Variants in AATK observed in about 807,000 individuals in gnomAD.
AATK encodes the protein lemur tail kinase 1.
A neutral mutation model predicts 114.3 loss-of-function variants in AATK; 91 were observed. The observed-to-expected ratio is 0.80, with a 90% CI of 0.67 to 0.95. The LOEUF is 0.95. Among genes scored for constraint, AATK ranks in the 40% least tolerant of loss-of-function variants. The pLI is 0.00. For synonymous variants in AATK, 1,075 were observed against 916.5 expected (o/e 1.17, Z -3.12); for missense variants, 2,176 against 1,965.2 (o/e 1.11, Z -2.03).
rs1321488113 is a variant in AATK, at chr17:81,126,073, A to G, written c.755+354T>C. ...CCAAGCAGGACAGAACCCTCCCTCC[A>G]GGGTCCTTCGAAGCAGGGTCTGTCT... is the stretch of plus-strand genomic sequence containing the variant. On this transcript the variant is annotated intron_variant, in intron 7 of 13. Transcript: ENST00000326724. The surrounding 1 kb of genome is among the most constrained non-coding windows in gnomAD (Gnocchi z 5.1). 2.1e-6 allele frequency: 1 copy of G among 473,342 alleles called. No homozygotes were observed. Among genetic ancestry groups the G allele is most frequent in the African/African-American group, 2.0e-5 (1 of 49,718 alleles). 29.3% of individuals were successfully genotyped at this position (473,342 alleles called of 1,614,324 possible).
chr17:81,132,512 G>T (rs2060949016), intron 2 of AATK: 1 of 171,444 alleles, frequency 5.8e-6, no homozygotes, highest in Non-Finnish European at 1.3e-5. Context: ...CCCCTCCCCG[G>T]GACCCAGAAG....
intron 2 of AATK, chr17:81,132,674 C>T: frequency 3.1e-6 from 1 of 320,372 alleles, no homozygotes. Flanking sequence ...CGGGGGCCAG[C>T]CGGGTCCTGC....
intron 1 of AATK, among the ~76,000 whole-genome samples, chr17:81,149,889 T>C (rs1216518606): frequency 2.6e-5 from 4 of 152,158 alleles, no homozygotes; most frequent in Non-Finnish European, 5.9e-5. Context: ...GGCATGTCCC[T>C]CTGGTCCGAC....
Position 81,127,646 on chromosome 17 carries a change from G to C in AATK, c.558C>G (p.Leu186=). Residue 186 remains leucine, a synonymous_variant, in exon 6 of 14, where the codon CTC becomes CTG. Transcript: ENST00000326724. The part of the protein sequence containing the change: ...PYRALKHSNL[L]QCLAQCAEVT... ...CCTCGGCGCACTGGGCCAGGCACTG[G>C]AGCAGGTTGCTGTGCTTCAGGGCCC... 1 of 1,595,720 alleles carries C rather than the reference G, an allele frequency of 6.3e-7. No homozygotes were observed. The highest frequency in any genetic ancestry group is 8.5e-7 in the Non-Finnish European group (1 of 1,171,670).
chr17:81,155,673 C>T (rs1056431869), intron 1 of AATK, among the ~76,000 whole-genome samples: 5 of 151,434 alleles, frequency 3.3e-5, no homozygotes, highest in South Asian at 4.2e-4. Context: ...CATGAGCCAG[C>T]GCGCCCGACC....
rs758625667 is a variant in AATK at position 81,127,674 on chromosome 17, C to T, written c.534-4G>A. ...CAGGTTGCTGTGCTTCAGGGCCCTG[C>T]GGGAGTGGACAGGCGGCCCCTGACT... On this transcript the variant is annotated splice_polypyrimidine_tract_variant and splice_region_variant and intron_variant, in intron 5 of 13. Transcript: ENST00000326724. 52 of 1,554,358 alleles carry T rather than the reference C, an allele frequency of 3.3e-5. No individual in the cohort carries two copies. Among genetic ancestry groups the T allele is most frequent in the African/African-American group, 5.5e-5 (4 of 72,318 alleles).
At chr17:81,138,657 A>T (rs1378270450) in intron 1 of AATK, among the ~76,000 whole-genome samples, 1 of 150,456 alleles carries the variant, frequency 6.6e-6, no homozygotes, top group African/African-American at 2.4e-5. Flanking sequence ...ACATACCCAC[A>T]CACATATCCA....
chr17:81,132,326 G>A (rs1335599504), intron 2 of AATK, among the ~76,000 whole-genome samples: 1 of 152,204 alleles, frequency 6.6e-6, no homozygotes, highest in East Asian at 1.9e-4. Flanking sequence ...TGCAGTGGGA[G>A]GGGAGGCCTG....
intron 5 of AATK, 36 bp downstream of exon 5, chr17:81,127,756 G>A (rs553260235): frequency 1.6e-5 from 24 of 1,497,818 alleles, no homozygotes; most frequent in Admixed American, 5.9e-5. Flanking sequence ...GGAGGGGGCC[G>A]CACAGCACAG....
intron 1 of AATK, among the ~76,000 whole-genome samples, chr17:81,143,235 A>G (rs989665622): frequency 1.3e-4 from 19 of 149,830 alleles, no homozygotes; most frequent in Admixed American, 1.3e-4. Flanking sequence ...TCCCAGGCGG[A>G]AGCCGCCTGC....
At position 81,166,213 on chromosome 17, in the gene AATK, G is replaced by C. The variant is rs1598242740; in HGVS notation, c.-221C>G. On this transcript the variant is annotated 5_prime_UTR_variant, in exon 1 of 14. Transcript: ENST00000326724. ...GCCCTGGCGCCGCGGGGCTCCGCTGGTGCAGTCCGAAAACGCGGGCGGGAG... is the reference window on the plus strand; with the variant it reads ...GCCCTGGCGCCGCGGGGCTCCGCTGCTGCAGTCCGAAAACGCGGGCGGGAG... 1 of 148,914 alleles carries C rather than the reference G, an allele frequency of 6.7e-6. No individual in the cohort carries two copies. The highest frequency in any genetic ancestry group is 1.4e-5 in the Non-Finnish European group (1 of 71,068). 9.2% of individuals were successfully genotyped at this position (148,914 alleles called of 1,614,324 possible). A position where few individuals can be genotyped will look rare whatever the true frequency, so the allele number is the denominator to read the frequency against.
At position 81,121,595 on chromosome 17, in the gene AATK, T is replaced by G. The variant is rs995371771; in HGVS notation, c.2341A>C (p.Lys781Gln). ...SGGDHPQAEPKLATEAEGTTG... is the reference protein window; with the variant it reads ...SGGDHPQAEPQLATEAEGTTG... ...GTGCCCTCAGCCTCCGTGGCAAGCTTGGGCTCTGCCTGCGGGTGGTCACCC... is the reference window on the plus strand; with the variant it reads ...GTGCCCTCAGCCTCCGTGGCAAGCTGGGGCTCTGCCTGCGGGTGGTCACCC... Residue 781 changes from lysine to glutamine, a missense_variant, in exon 11 of 14, where the codon AAG becomes CAG. Around this residue, in one of 4 missense-constraint regions of AATK, gnomAD observed 1,701 missense variants for 1,394.7 expected, o/e 1.22. Transcript: ENST00000326724. The G allele has an allele frequency of 6.6e-7, 1 of 1,503,924 alleles. No homozygotes were observed. Among genetic ancestry groups the G allele is most frequent in the Non-Finnish European group, 8.9e-7 (1 of 1,127,456 alleles). 93.2% of individuals were successfully genotyped at this position (1,503,924 alleles called of 1,614,324 possible). A position where few individuals can be genotyped will look rare whatever the true frequency, so the allele number is the denominator to read the frequency against.
intron 1 of AATK, 151 bp downstream of exon 1, chr17:81,165,787 G>T (rs2061481588): frequency 2.0e-6 from 3 of 1,504,046 alleles, no homozygotes; most frequent in Middle Eastern, 1.9e-4. Flanking sequence ...CCGAGATCTG[G>T]GGCCGCCAGG....
Position 81,121,745 on chromosome 17 carries a change from G to T in AATK, c.2191C>A (p.Leu731Ile). The change falls in exon 11 of 14, where the codon CTC (leucine) becomes ATC (isoleucine). Residue 731 changes from leucine to isoleucine, a missense_variant. By Grantham distance (5) the Leu-to-Ile change is conservative. Around this residue, in one of 4 missense-constraint regions of AATK, gnomAD observed 1,701 missense variants for 1,394.7 expected, o/e 1.22. Coordinates refer to ENST00000326724, the MANE Select transcript of AATK (RefSeq NM_001080395.3). Reference protein sequence around the residue: ...PGYPGEPLLGLQAASAQEPGC... With the variant: ...PGYPGEPLLGIQAASAQEPGC... ...GGCTCCTGGGCAGAGGCTGCCTGGA[G>T]CCCAAGCAGAGGCTCTCCAGGGTAC... 6.6e-7 allele frequency: 1 copy of T among 1,505,250 alleles called. No individual in the cohort carries two copies. The highest frequency in any genetic ancestry group is 2.4e-5 in the East Asian group (1 of 41,642). The allele number at this position is 1,505,250 out of a possible 1,614,324, so 93.2% of individuals were successfully genotyped here.
chr17:81,142,014 G>A (rs1439968179), intron 1 of AATK, among the ~76,000 whole-genome samples: 2 of 150,392 alleles, frequency 1.3e-5, no homozygotes, highest in Non-Finnish European at 2.9e-5. Flanking sequence ...AGAGTGCAGT[G>A]GCATGATCTC....
Position 81,118,249 on chromosome 17 carries a change from G to A in AATK, c.*153C>T. ...ACCATCCAGGGCCTCTCATCCCACG[G>A]GCTTCTCCAGGACACCGCGTGGGGC... On this transcript the variant is annotated 3_prime_UTR_variant, in exon 14 of 14. Coordinates refer to ENST00000326724, the MANE Select transcript of AATK (RefSeq NM_001080395.3). 1 of 710,096 alleles carries A rather than the reference G, an allele frequency of 1.4e-6. No individual in the cohort carries two copies. Among genetic ancestry groups the A allele is most frequent in the Non-Finnish European group, 2.4e-6 (1 of 424,668 alleles). The allele number at this position is 710,096 out of a possible 1,614,324, so 44.0% of individuals were successfully genotyped here. A position where few individuals can be genotyped will look rare whatever the true frequency, so the allele number is the denominator to read the frequency against.
rs8073182 is a variant in AATK at position 81,130,962 on chromosome 17, C to G, written c.334+99G>C. ...GCCACTCCCAGCCCTGTGCTGCCCCCACTCCAGAGCTGAGTCTTCCGGTCT... is the reference window on the plus strand; with the variant it reads ...GCCACTCCCAGCCCTGTGCTGCCCCGACTCCAGAGCTGAGTCTTCCGGTCT... On this transcript the variant is annotated intron_variant, in intron 3 of 13. Transcript: ENST00000326724. The G allele has an allele frequency of 6.4e-6, 9 of 1,408,998 alleles. No individual in the cohort carries two copies. The South Asian group carries it at 1.2e-4, about 19-fold the overall frequency. 87.3% of individuals were successfully genotyped at this position (1,408,998 alleles called of 1,614,324 possible).
Position 81,121,193 on chromosome 17 carries a change from C to T in AATK, c.2743G>A (p.Gly915Ser), listed in dbSNP as rs1192263571. 6 of 1,603,948 alleles carry T rather than the reference C, an allele frequency of 3.7e-6. No individual in the cohort carries two copies. In the Admixed American group the frequency reaches 6.8e-5, roughly 18 times the overall value. Reference sequence around the variant, plus strand: ...GACGGGCTGAAGACCTCATAGCCACCATCACTGGCTGAGGACGGGATGTCC... The same window carrying T: ...GACGGGCTGAAGACCTCATAGCCACTATCACTGGCTGAGGACGGGATGTCC... ...SLDIPSSASD[G>S]GYEVFSPSAT... Residue 915 changes from glycine (G) to serine (S), a missense_variant, in exon 11 of 14, where the codon GGT becomes AGT. By Grantham distance (56) the Gly-to-Ser change is moderately conservative. This residue lies in a region of AATK where 1,701 missense variants were observed against 1,394.7 expected (regional missense o/e 1.22). Transcript: ENST00000326724.
chr17:81,131,310 G>A, intron 2 of AATK, 105 bp from the exon 3 acceptor site: 3 of 1,403,778 alleles, frequency 2.1e-6, no homozygotes, highest in Non-Finnish European at 2.8e-6. Flanking sequence ...CCAGGGCAGG[G>A]CAGGAGGGGG....
Sources: allele counts gnomAD v4.1 joint callset (sites outside exome capture counted in the v4.1 genomes callset), GRCh38; gene constraint gnomAD v4.1.1; regional missense constraint gnomAD v4.1.1; non-coding constraint Gnocchi (gnomAD v3.1); transcripts MANE v1.5; gene names NCBI Gene and HGNC (gene_info 2026-07-23, HGNC 2026-07-21).